Variants in PEPD observed in about 807,000 individuals in gnomAD.
PEPD encodes peptidase D, also known as xaa-Pro dipeptidase.
Under a neutral mutation model 60.7 loss-of-function variants are expected in PEPD, and 53 were observed. The ratio of observed to expected loss-of-function variants is 0.87; its 90% CI spans 0.70 to 1.10. The LOEUF (loss-of-function observed/expected upper bound fraction) is 1.10, where lower values mean the gene tolerates loss of function less well. PEPD is among the 50% of genes least tolerant of loss of function. The probability of loss-of-function intolerance (pLI) is 0.00; values close to 1 mark genes in which losing one functional copy is unlikely to be tolerated. For synonymous variants in PEPD, 267 were observed against 284.1 expected (o/e 0.94, Z 0.60); for missense variants, 711 against 711.9 (o/e 1.00, Z 0.01).
rs1362154859 is a variant in PEPD, at chr19:33,386,966, C to CTTT, written c.*375_*377dup. On this transcript the variant is annotated 3_prime_UTR_variant, in exon 15 of 15. Transcript: ENST00000244137. ...CGCACAAAGGACCATTTTAGGAAAC[C>CTTT]TTTTATTGCAAATGCCATTCTGCAT... 2.6e-5 allele frequency: 7 copies of CTTT among 270,068 alleles called. No homozygotes were observed. In the East Asian group the frequency reaches 6.7e-4, roughly 26 times the overall value. The allele number at this position is 270,068 out of a possible 1,614,324, so 16.7% of individuals were successfully genotyped here.
chr19:33,463,552 T>G (rs1301272032), intron 8 of PEPD, among the ~76,000 whole-genome samples: 1 of 152,160 alleles, frequency 6.6e-6, no homozygotes, highest in Non-Finnish European at 1.5e-5. Context: ...CCTTATTTGG[T>G]CTCATTCCTC....
At chr19:33,467,440 C>T (rs1021418611) in intron 7 of PEPD, among the ~76,000 whole-genome samples, 2 of 151,800 alleles carry the variant, frequency 1.3e-5, no homozygotes, top group African/African-American at 2.4e-5. Context: ...CAAACCCTAA[C>T]AAGGAAACAG....
chr19:33,435,923 G>A (rs1969367182), intron 9 of PEPD, among the ~76,000 whole-genome samples: 1 of 152,188 alleles, frequency 6.6e-6, no homozygotes, highest in African/African-American at 2.4e-5. Flanking sequence ...TGGGGGCATG[G>A]GAGAGGCATA....
chr19:33,396,637 A>G (rs1445193221), intron 12 of PEPD, among the ~76,000 whole-genome samples: 1 of 133,982 alleles, frequency 7.5e-6, no homozygotes, highest in African/African-American at 2.8e-5. Context: ...CTGGGCCCCC[A>G]GTGACAGGGG....
chr19:33,513,214 T>C (rs1273829914), intron 1 of PEPD, among the ~76,000 whole-genome samples: 1 of 152,142 alleles, frequency 6.6e-6, no homozygotes, highest in Non-Finnish European at 1.5e-5. Flanking sequence ...ACCTCCCTGC[T>C]AGAGGCCAGC....
intron 9 of PEPD, among the ~76,000 whole-genome samples, chr19:33,460,055 G>A (rs1051297982): frequency 7.9e-5 from 12 of 152,182 alleles, no homozygotes; most frequent in Non-Finnish European, 1.5e-4. Flanking sequence ...GGTAGCAGTT[G>A]AGCCTGTGTT....
chr19:33,468,860 C>T (rs1330815009), intron 7 of PEPD, among the ~76,000 whole-genome samples: 2 of 152,220 alleles, frequency 1.3e-5, no homozygotes, highest in African/African-American at 2.4e-5. Flanking sequence ...GTCTCTGATG[C>T]CGCCGTATGG....
Position 33,387,203 on chromosome 19 carries a change from G to T in PEPD, c.*141C>A. The T allele has an allele frequency of 2.0e-6, 2 of 983,260 alleles. No homozygotes were observed. Among genetic ancestry groups the T allele is most frequent in the Non-Finnish European group, 3.1e-6 (2 of 637,526 alleles). The allele number at this position is 983,260 out of a possible 1,614,324, so 60.9% of individuals were successfully genotyped here. On this transcript the variant is annotated 3_prime_UTR_variant, in exon 15 of 15. Coordinates refer to ENST00000244137, the MANE Select transcript of PEPD (RefSeq NM_000285.4). ...TGTTTCCTCCCCGGGAAACAGCACT[G>T]TTTGGTCTGATCAAATGCCGAAGCT...
At chr19:33,446,875 GA>G (rs1697048248) in intron 9 of PEPD, among the ~76,000 whole-genome samples, 1 of 152,216 alleles carries the variant, frequency 6.6e-6, no homozygotes, top group Admixed American at 6.5e-5. Flanking sequence ...CAGGCCCCAC[GA>G]AGGGCATCTA....
At chr19:33,512,484 A>T in intron 2 of PEPD, 109 bp downstream of exon 2, 1 of 1,032,034 alleles carries the variant, frequency 9.7e-7, no homozygotes, top group Non-Finnish European at 1.5e-6. Context: ...ACAGAGGCTC[A>T]GGGAGGGCCA....
intron 12 of PEPD, among the ~76,000 whole-genome samples, chr19:33,393,217 C>G (rs111809322): frequency 0.33 from 46,505 of 139,764 alleles, 7,898 homozygotes; most frequent in African/African-American, 0.45. Context: ...GGTCTGGCGT[C>G]GGGGAGGCCG....
At chr19:33,404,478 C>T (rs946989980) in intron 11 of PEPD, among the ~76,000 whole-genome samples, 5 of 149,586 alleles carry the variant, frequency 3.3e-5, no homozygotes, top group African/African-American at 7.5e-5. Flanking sequence ...ACAACAACAA[C>T]CAGGAAGCCC....
chr19:33,457,110 G>A (rs1257501965), intron 9 of PEPD, among the ~76,000 whole-genome samples: 3 of 149,882 alleles, frequency 2.0e-5, no homozygotes, highest in South Asian at 2.2e-4. Flanking sequence ...TTCAGGAGTC[G>A]CTGCACAGGA....
intron 10 of PEPD, among the ~76,000 whole-genome samples, chr19:33,412,827 G>A (rs1299468092): frequency 1.3e-5 from 2 of 152,214 alleles, no homozygotes; most frequent in East Asian, 1.9e-4. Flanking sequence ...GCAGAGAGCA[G>A]GGAGACTGGC....
intron 7 of PEPD, among the ~76,000 whole-genome samples, chr19:33,466,300 G>A (rs1028449240): frequency 6.6e-6 from 1 of 152,190 alleles, no homozygotes; most frequent in African/African-American, 2.4e-5. Context: ...TTATTCACAT[G>A]GTACCAAAGT....
At chr19:33,420,185 A>G (rs1968981903) in intron 9 of PEPD, among the ~76,000 whole-genome samples, 1 of 112,080 alleles carries the variant, frequency 8.9e-6, no homozygotes, top group South Asian at 3.6e-4. Context: ...CGGATAAAAC[A>G]TTCTATCTCC....
rs1000900551 is a variant in PEPD at position 33,393,543 on chromosome 19, C to T, written c.968-2064G>A. 3.8e-5 allele frequency among the ~76,000 whole-genome samples: 5 copies of T among 131,612 alleles called. No homozygotes were observed. The South Asian group carries it at 8.8e-4, about 23-fold the overall frequency. The allele number at this position is 131,612 out of a possible 152,430, so 86.3% of individuals were successfully genotyped here. A position where few individuals can be genotyped will look rare whatever the true frequency, so the allele number is the denominator to read the frequency against. ...ACAGCCCCACCTCCGTGAGCCTCAG[C>T]TGCCGCTGGTCAAACAAACAAACAG... is the stretch of plus-strand genomic sequence containing the variant. On this transcript the variant is annotated intron_variant, in intron 12 of 14. Coordinates refer to ENST00000244137, the MANE Select transcript of PEPD (RefSeq NM_000285.4).
At chr19:33,490,983 AC>A (rs1364118910) in intron 5 of PEPD, among the ~76,000 whole-genome samples, 2 of 152,084 alleles carry the variant, frequency 1.3e-5, no homozygotes, top group East Asian at 3.9e-4. Context: ...ATTTTAAATC[AC>A]CATTTCTTTA....
chr19:33,502,577 T>G (rs1407869723), intron 3 of PEPD, among the ~76,000 whole-genome samples: 1 of 152,134 alleles, frequency 6.6e-6, no homozygotes. Flanking sequence ...AGTAGAGTCT[T>G]GGTTTGCAAA....
Sources: allele counts gnomAD v4.1 joint callset (sites outside exome capture counted in the v4.1 genomes callset), GRCh38; gene constraint gnomAD v4.1.1; transcripts MANE v1.5; gene names NCBI Gene and HGNC (gene_info 2026-07-23, HGNC 2026-07-21).